Variants in BCAS3 observed in about 807,000 individuals in gnomAD.
BCAS3 encodes BCAS3 microtubule associated cell migration factor, also known as BCAS4/BCAS3 fusion.
Under a neutral mutation model 116.1 loss-of-function variants are expected in BCAS3, and 53 were observed. That is an observed-to-expected ratio of 0.46 (90% CI 0.37 to 0.57). The LOEUF (loss-of-function observed/expected upper bound fraction) is 0.57, where lower values mean the gene tolerates loss of function less well. Ranked by LOEUF, BCAS3 falls within the 20% of genes least tolerant of loss-of-function variation. The pLI is 0.00. For synonymous variants in BCAS3, 391 were observed against 408.2 expected, an observed-to-expected ratio of 0.96 and a Z score of 0.51; for missense variants, 917 against 1,165.4, an observed-to-expected ratio of 0.79 and a Z score of 3.10.
intron 6 of BCAS3, among the ~76,000 whole-genome samples, chr17:60,762,064 T>C (rs918033660): frequency 6.6e-6 from 1 of 152,300 alleles, no homozygotes; most frequent in African/African-American, 2.4e-5. Context: ...TTTGATTTTT[T>C]TCTTGTAAAC....
intron 22 of BCAS3, among the ~76,000 whole-genome samples, chr17:61,314,169 G>A (rs575885616): frequency 6.6e-6 from 1 of 152,200 alleles, no homozygotes; most frequent in Non-Finnish European, 1.5e-5. Flanking sequence ...TTGTCAGTTC[G>A]TGGCAGGGAG....
At position 61,337,629 on chromosome 17, in the gene BCAS3, T is replaced by C. The variant is rs1477439620; in HGVS notation, c.2426-30698T>C. Reference sequence around the variant, plus strand: ...ACTCTCCGAAGAAAATTACAGTTTCTAGTACACCTAAACTGAATGTTGGTG... The same window carrying C: ...ACTCTCCGAAGAAAATTACAGTTTCCAGTACACCTAAACTGAATGTTGGTG... On this transcript the variant is annotated intron_variant, in intron 22 of 23. Transcript: ENST00000407086. This position sits in a 1 kb window ranked among gnomAD's most constrained non-coding sequence, Gnocchi z 4.8. 6.6e-6 allele frequency among the ~76,000 whole-genome samples: 1 copy of C among 152,228 alleles called. No homozygotes were observed. Among genetic ancestry groups the C allele is most frequent in the Admixed American group, 6.5e-5 (1 of 15,288 alleles).
In BCAS3 at chr17:61,098,738, T is replaced by G. The variant is rs1382005576; in HGVS notation, c.2425+14174T>G. ...TGTTTTTACGTTGTTGTGATCAGGA[T>G]TTCTTTGCCAAATGAAAACGGTAAA... On this transcript the variant is annotated intron_variant, in intron 22 of 23. Coordinates refer to ENST00000407086, the MANE Select transcript of BCAS3 (RefSeq NM_017679.5). This position sits in a 1 kb window ranked among gnomAD's most constrained non-coding sequence, Gnocchi z 4.2. Among the ~76,000 whole-genome samples the G allele has an allele frequency of 6.6e-6, 1 of 152,182 alleles. No individual in the cohort carries two copies. The highest frequency in any genetic ancestry group is 1.5e-5 in the Non-Finnish European group (1 of 68,022).
intron 5 of BCAS3, among the ~76,000 whole-genome samples, chr17:60,719,028 C>T (rs1197588832): frequency 6.6e-6 from 1 of 152,266 alleles, no homozygotes; most frequent in East Asian, 1.9e-4. Flanking sequence ...CGCCATTGCA[C>T]TCCAGCCTGG....
chr17:61,380,983 G>A lies in BCAS3; in HGVS notation c.2594-10994G>A, dbSNP rs1320102354. 6.6e-6 allele frequency among the ~76,000 whole-genome samples: 1 copy of A among 152,158 alleles called. No homozygotes were observed. The highest frequency in any genetic ancestry group is 1.5e-5 in the Non-Finnish European group (1 of 68,024). On this transcript the variant is annotated intron_variant, in intron 23 of 23. Transcript: ENST00000407086. The surrounding 1 kb of genome is among the most constrained non-coding windows in gnomAD (Gnocchi z 4.2). ...CTGGAGCTGGCCCCTAGTATAATTGGTGCTGTCTCTATTTTTACATCATTA... is the reference window on the plus strand; with the variant it reads ...CTGGAGCTGGCCCCTAGTATAATTGATGCTGTCTCTATTTTTACATCATTA...
chr17:60,866,109 G>T (rs1440798372), intron 7 of BCAS3, among the ~76,000 whole-genome samples: 1 of 150,954 alleles, frequency 6.6e-6, no homozygotes, highest in East Asian at 1.9e-4. Flanking sequence ...ACCTGGTTTT[G>T]TATTGCTGGA....
intron 21 of BCAS3, among the ~76,000 whole-genome samples, chr17:61,078,785 A>G (rs549618471): frequency 2.0e-5 from 3 of 152,268 alleles, no homozygotes; most frequent in African/African-American, 7.2e-5. Context: ...TTTTCAAGCA[A>G]TTCCACTTTT....
intron 5 of BCAS3, among the ~76,000 whole-genome samples, chr17:60,726,611 G>A (rs922835784): frequency 4.6e-5 from 7 of 151,250 alleles, no homozygotes; most frequent in African/African-American, 1.7e-4. Flanking sequence ...GCAGGTTCAC[G>A]CCATTCTCCT....
chr17:60,998,433 C>T (rs550557241), intron 15 of BCAS3, among the ~76,000 whole-genome samples: 7 of 152,250 alleles, frequency 4.6e-5, no homozygotes, highest in Non-Finnish European at 8.8e-5. Context: ...AATTGCTTTC[C>T]ACAGGGACTG....
chr17:61,357,883 GT>G (rs761814939), intron 22 of BCAS3, among the ~76,000 whole-genome samples: 16 of 152,006 alleles, frequency 1.1e-4, no homozygotes, highest in Non-Finnish European at 2.4e-4. Flanking sequence ...GAGGTCAAGA[GT>G]TCCAGACCCG....
chr17:61,113,835 CT>C (rs1378097890), intron 22 of BCAS3, among the ~76,000 whole-genome samples: 1 of 84,770 alleles, frequency 1.2e-5, no homozygotes, highest in African/African-American at 4.3e-5. Flanking sequence ...TGCAAAAATC[CT>C]CAATAAAATA....
At chr17:61,374,795 G>A (rs1222949547) in intron 23 of BCAS3, among the ~76,000 whole-genome samples, 1 of 152,124 alleles carries the variant, frequency 6.6e-6, no homozygotes, top group Admixed American at 6.5e-5. Flanking sequence ...GTGCATTCTA[G>A]TACTTCCTTT....
intron 14 of BCAS3, among the ~76,000 whole-genome samples, chr17:60,947,638 ACTC>A (rs2060582950): frequency 1.3e-5 from 2 of 151,558 alleles, no homozygotes; most frequent in East Asian, 1.9e-4. Context: ...CCCAGGGAAA[ACTC>A]CTGTCATTCA....
At chr17:61,353,628 A>C (rs1334958857) in intron 22 of BCAS3, 1 of 152,236 alleles carries the variant, frequency 6.6e-6, no homozygotes, top group Non-Finnish European at 1.5e-5. Flanking sequence ...CTGTGAAAGC[A>C]CCTTGTAAAG....
intron 6 of BCAS3, among the ~76,000 whole-genome samples, chr17:60,799,053 C>T (rs1341530000): frequency 2.0e-5 from 3 of 152,152 alleles, no homozygotes; most frequent in Admixed American, 6.5e-5. Flanking sequence ...TGTTGGCTAA[C>T]AATCCTTTTA....
At chr17:61,317,074 A>T (rs2054810896) in intron 22 of BCAS3, among the ~76,000 whole-genome samples, 1 of 152,192 alleles carries the variant, frequency 6.6e-6, no homozygotes, top group Admixed American at 6.5e-5. Flanking sequence ...TTGTTTTCTT[A>T]AAAAAGTTTA....
intron 16 of BCAS3, chr17:61,016,976 C>G (rs1328619543): frequency 6.6e-6 from 1 of 152,030 alleles, no homozygotes; most frequent in Non-Finnish European, 1.5e-5. Context: ...ATAAAAAGAT[C>G]CTGTTGCTGC....
intron 22 of BCAS3, among the ~76,000 whole-genome samples, chr17:61,330,071 CCGGAGGTCTCT>C (rs2056136470): frequency 6.6e-6 from 1 of 152,088 alleles, no homozygotes; most frequent in Non-Finnish European, 1.5e-5. Context: ...GTCTAGATGC[CCGGAGGTCTCT>C]TCTGAGTTGA....
chr17:61,052,868 C>A (rs2069008071), intron 19 of BCAS3, among the ~76,000 whole-genome samples: 1 of 151,738 alleles, frequency 6.6e-6, no homozygotes, highest in African/African-American at 2.4e-5. Flanking sequence ...CAGGTGTGTG[C>A]CACCATGCCT....
Sources: gnomAD v4.1 joint callset for allele counts (sites outside exome capture counted in the v4.1 genomes callset) on GRCh38, gnomAD v4.1.1 for gene constraint, Gnocchi (gnomAD v3.1) non-coding constraint, MANE v1.5 for transcripts, NCBI Gene and HGNC (gene_info 2026-07-23, HGNC 2026-07-21) for gene names.